The following ZFHX3 variants were observed in gnomAD, a reference collection of about 807,000 sequenced individuals.
ZFHX3 encodes zinc finger homeobox 3.
A neutral mutation model predicts 279.1 loss-of-function variants in ZFHX3; 42 were observed. The observed-to-expected ratio is 0.15, with a 90% CI of 0.12 to 0.19. The LOEUF (loss-of-function observed/expected upper bound fraction) is 0.19. ZFHX3 is among the 10% of genes least tolerant of loss of function. The pLI, the probability that ZFHX3 is intolerant of heterozygous loss-of-function variation, is 1.00. For missense variants in ZFHX3, 4,981 were observed against 4,754.0 expected, an observed-to-expected ratio of 1.05 and a Z score of -1.40; for synonymous variants, 2,293 against 1,957.8, an observed-to-expected ratio of 1.17 and a Z score of -4.52.
intron 4 of ZFHX3, among the ~76,000 whole-genome samples, chr16:73,260,097 C>T (rs1449609051): frequency 6.6e-6 from 1 of 151,814 alleles, no homozygotes; most frequent in East Asian, 1.9e-4. Flanking sequence ...TTTTCTCTTT[C>T]AGGACCTTGA....
In ZFHX3 at chr16:72,957,840, G is replaced by C; in HGVS notation, c.2306C>G (p.Thr769Ser). The C allele has an allele frequency of 1.2e-6, 2 of 1,613,266 alleles. No homozygotes were observed. Among genetic ancestry groups the C allele is most frequent in the Non-Finnish European group, 1.7e-6 (2 of 1,179,652 alleles). Residue 769 changes from threonine (T) to serine (S), a missense_variant, in exon 2 of 10, where the codon ACT (threonine) becomes AGT (serine). Transcript: ENST00000268489. The stretch of plus-strand genomic sequence containing the variant: ...CACCGCCGCCGCCGCCGCCCCGGCA[G>C]TGTGGCTGAAGACCTGCTCCCCCCC... ...NGGGEQVFSHTAGAAAAAVAA... is the reference protein window; with the variant it reads ...NGGGEQVFSHSAGAAAAAVAA...
intron 3 of ZFHX3, among the ~76,000 whole-genome samples, chr16:73,453,706 A>C (rs2018320629): frequency 6.6e-6 from 1 of 152,254 alleles, no homozygotes; most frequent in Non-Finnish European, 1.5e-5. Flanking sequence ...CAATTTATAA[A>C]GAAAAAGAGG....
chr16:73,535,876 C>T (rs2019892303), intron 2 of ZFHX3, among the ~76,000 whole-genome samples: 1 of 151,972 alleles, frequency 6.6e-6, no homozygotes, highest in African/African-American at 2.4e-5. Context: ...GCGCTCCCCA[C>T]TATGCCCGGC....
chr16:73,526,535 A>G (rs2019699268), intron 2 of ZFHX3, among the ~76,000 whole-genome samples: 1 of 152,206 alleles, frequency 6.6e-6, no homozygotes, highest in African/African-American at 2.4e-5. Flanking sequence ...TTCATATTCA[A>G]AATGACCCAG....
intron 1 of ZFHX3, among the ~76,000 whole-genome samples, chr16:73,701,274 C>T (rs918331324): frequency 6.6e-6 from 1 of 152,082 alleles, no homozygotes; most frequent in Non-Finnish European, 1.5e-5. Flanking sequence ...GACAGTATTC[C>T]TTCAATTTCA....
At chr16:73,358,485 C>G (rs545650475) in intron 3 of ZFHX3, among the ~76,000 whole-genome samples, 2 of 152,292 alleles carry the variant, frequency 1.3e-5, no homozygotes, top group African/African-American at 2.4e-5. Flanking sequence ...AGATCCTTCC[C>G]CATTCAAACC....
intron 3 of ZFHX3, among the ~76,000 whole-genome samples, chr16:72,935,244 CT>C (rs750487721): frequency 3.9e-5 from 6 of 152,154 alleles, no homozygotes; most frequent in Non-Finnish European, 8.8e-5. Flanking sequence ...CAGGTCAGAG[CT>C]TCTCTCACTG....
intron 4 of ZFHX3, among the ~76,000 whole-genome samples, chr16:73,267,359 C>A (rs768134783): frequency 6.6e-6 from 1 of 152,042 alleles, no homozygotes; most frequent in South Asian, 2.1e-4. Flanking sequence ...ATGGCCACCC[C>A]CAACTATGAT....
intron 3 of ZFHX3, among the ~76,000 whole-genome samples, chr16:73,320,198 T>A (rs2015547580): frequency 6.6e-6 from 1 of 152,186 alleles, no homozygotes; most frequent in African/African-American, 2.4e-5. Flanking sequence ...ATGAGTTTTG[T>A]TTGACATGGA....
At chr16:73,066,008 G>A (rs891012493) in intron 8 of ZFHX3, among the ~76,000 whole-genome samples, 4 of 152,182 alleles carry the variant, frequency 2.6e-5, no homozygotes, top group African/African-American at 4.8e-5. Context: ...CCCCACGGCC[G>A]GCAGGAGTCC....
At chr16:72,948,072 G>A (rs544856497) in intron 3 of ZFHX3, among the ~76,000 whole-genome samples, 7 of 152,322 alleles carry the variant, frequency 4.6e-5, no homozygotes, top group Admixed American at 1.3e-4. Flanking sequence ...AGGGCTGAGG[G>A]CGAGCACTGG....
At chr16:73,039,054 T>A (rs933703638) in intron 1 of ZFHX3, among the ~76,000 whole-genome samples, 44 of 150,162 alleles carry the variant, frequency 2.9e-4, no homozygotes, top group African/African-American at 1.1e-3. Flanking sequence ...GCTCAAGAGA[T>A]CCTCCTGCCT....
At chr16:73,342,176 G>C (rs891293405) in intron 3 of ZFHX3, among the ~76,000 whole-genome samples, 2 of 152,168 alleles carry the variant, frequency 1.3e-5, no homozygotes, top group African/African-American at 4.8e-5. Flanking sequence ...CTGCTGGTGA[G>C]GCTAGGGGGA....
rs113671777 is a variant in ZFHX3, at chr16:72,885,436, C to T, written c.3448+4295G>A. ...GAGACCTTTGCAATTTCTTCTACCTCGACTCCTTCCTCCAGACCCACAGGT... is the reference window on the plus strand; with the variant it reads ...GAGACCTTTGCAATTTCTTCTACCTTGACTCCTTCCTCCAGACCCACAGGT... On this transcript the variant is annotated intron_variant, in intron 4 of 9. Transcript: ENST00000268489. Among the ~76,000 whole-genome samples the T allele has an allele frequency of 2.6e-4, 40 of 152,364 alleles. 1 individual carries two copies. The highest frequency in any genetic ancestry group is 8.9e-4 in the African/African-American group (37 of 41,582).
intron 4 of ZFHX3, among the ~76,000 whole-genome samples, chr16:72,868,965 AG>A (rs67082693): frequency 0.085 from 13,023 of 152,334 alleles, 807 homozygotes; most frequent in Non-Finnish European, 0.13. Flanking sequence ...CATGAAAGGA[AG>A]AAAAATCAGA....
chr16:73,664,156 A>C (rs2052812075), intron 2 of ZFHX3, among the ~76,000 whole-genome samples: 1 of 152,258 alleles, frequency 6.6e-6, no homozygotes, highest in South Asian at 2.1e-4. Flanking sequence ...TCCAAACTGA[A>C]CCAGGCACTG....
At chr16:73,881,966 G>A (rs1288512341) in intron 1 of ZFHX3, among the ~76,000 whole-genome samples, 1 of 152,090 alleles carries the variant, frequency 6.6e-6, no homozygotes, top group Admixed American at 6.6e-5. Flanking sequence ...CGTGGAGTCT[G>A]CCGTCTCTTA....
At chr16:73,678,870 G>A (rs1350849000) in intron 2 of ZFHX3, among the ~76,000 whole-genome samples, 1 of 152,062 alleles carries the variant, frequency 6.6e-6, no homozygotes, top group African/African-American at 2.4e-5. Flanking sequence ...CTCGTTGTTG[G>A]AAAATTCAAG....
At position 72,787,718 on chromosome 16, in the gene ZFHX3, C is replaced by A; in HGVS notation, c.10558G>T (p.Gly3520Cys). The A allele has an allele frequency of 7.3e-7, 1 of 1,372,406 alleles. No homozygotes were observed. Among genetic ancestry groups the A allele is most frequent in the Non-Finnish European group, 9.5e-7 (1 of 1,050,042 alleles). 85.0% of individuals were successfully genotyped at this position (1,372,406 alleles called of 1,614,324 possible). Residue 3520 changes from glycine (G) to cysteine (C), a missense_variant, in exon 10 of 10, where the codon GGC (glycine) becomes TGC (cysteine). Gly to Cys is a radical substitution (Grantham distance 159). Transcript: ENST00000268489. ...GGGSGGGGGG[G>C]GGGGGGGSYH... ...GAGCCGCCGCCGCCGCCGCCGCCGCCACCGCCGCCGCCGCCGCCACTGCCA... is the reference window on the plus strand; with the variant it reads ...GAGCCGCCGCCGCCGCCGCCGCCGCAACCGCCGCCGCCGCCGCCACTGCCA...
Sources: gnomAD v4.1 joint callset for allele counts (sites outside exome capture counted in the v4.1 genomes callset) on GRCh38, gnomAD v4.1.1 for gene constraint, MANE v1.5 for transcripts, NCBI Gene and HGNC (gene_info 2026-07-23, HGNC 2026-07-21) for gene names.